Variants in PPP2R5C observed in about 807,000 individuals in gnomAD.
PPP2R5C encodes serine/threonine-protein phosphatase 2A 56 kDa regulatory subunit gamma isoform.
A neutral mutation model predicts 68.9 loss-of-function variants in PPP2R5C; 7 were observed. That is an observed-to-expected ratio of 0.10 (90% CI 0.06 to 0.19). The LOEUF (loss-of-function observed/expected upper bound fraction) is 0.19, where lower values mean the gene tolerates loss of function less well. Ranked by LOEUF, PPP2R5C falls within the 10% of genes least tolerant of loss-of-function variation. The pLI, the probability that PPP2R5C is intolerant of heterozygous loss-of-function variation, is 1.00. For missense variants in PPP2R5C, 348 were observed against 641.3 expected, an observed-to-expected ratio of 0.54 and a Z score of 4.94; for synonymous variants, 210 against 222.2, an observed-to-expected ratio of 0.95 and a Z score of 0.49.
At chr14:101,778,650 T>TAA (rs2037535903) in intron 2 of PPP2R5C, among the ~76,000 whole-genome samples, 1 of 152,218 alleles carries the variant, frequency 6.6e-6, no homozygotes, top group African/African-American at 2.4e-5. Context: ...CATCATTTGT[T>TAA]AAAGACGCTG....
chr14:101,909,760 T>C, intron 11 of PPP2R5C, 70 bp downstream of exon 13: 1 of 1,157,440 alleles, frequency 8.6e-7, no homozygotes, highest in Non-Finnish European at 1.2e-6. Context: ...CCTCTTCCAC[T>C]GTTTTGTCCT....
At position 101,874,778 on chromosome 14, in the gene PPP2R5C, C is replaced by T. The variant is rs146523008; in HGVS notation, c.295-7383C>T. 4.9e-3 allele frequency among the ~76,000 whole-genome samples: 738 copies of T among 152,020 alleles called. 2 individuals are homozygous for T. The highest frequency in any genetic ancestry group is 0.011 in the African/African-American group (436 of 41,470). ...AATTTGAGACAGAGTCTTGCTCTGTCGCCCAGGCTGGAGTGCAGTGGCACG... is the reference window on the plus strand; with the variant it reads ...AATTTGAGACAGAGTCTTGCTCTGTTGCCCAGGCTGGAGTGCAGTGGCACG... On this transcript the variant is annotated intron_variant, in intron 2 of 13. Transcript: ENST00000334743.
intron 2 of PPP2R5C, among the ~76,000 whole-genome samples, chr14:101,774,519 G>A (rs953700894): frequency 6.6e-6 from 1 of 152,144 alleles, no homozygotes; most frequent in Admixed American, 6.5e-5. Flanking sequence ...CTCTGAGTGC[G>A]TGGCCTCGGG....
At chr14:101,889,079 A>G (rs771833789) in intron 5 of PPP2R5C, among the ~76,000 whole-genome samples, 45 of 152,164 alleles carry the variant, frequency 3.0e-4, no homozygotes, top group Non-Finnish European at 5.3e-4. Context: ...GTGCATTCTG[A>G]TGTTTGGGAA....
intron 3 of PPP2R5C, chr14:101,796,945 CAT>C: frequency 6.3e-6 from 2 of 316,690 alleles, no homozygotes; most frequent in South Asian, 5.2e-5. Context: ...CATGTTAAAA[CAT>C]AATATTTATT....
chr14:101,894,225 G>A lies in PPP2R5C; in HGVS notation c.799-282G>A, dbSNP rs1394147859. On this transcript the variant is annotated intron_variant, in intron 7 of 13. Transcript: ENST00000334743. ...TTAGATGACTCGTTGATTGTAGTCT[G>A]CACAAGGACCCCAAGAAAATCCCAT... is the stretch of plus-strand genomic sequence containing the variant. Among the ~76,000 whole-genome samples, 4 of 152,186 alleles carry A rather than the reference G, an allele frequency of 2.6e-5. No homozygotes were observed. In the East Asian group the frequency reaches 7.7e-4, roughly 29 times the overall value.
chr14:101,824,414 GA>G (rs544671924), intron 1 of PPP2R5C: 9 of 194,692 alleles, frequency 4.6e-5, no homozygotes, highest in Admixed American at 2.2e-4. Flanking sequence ...ACAATGTAGT[GA>G]AAAAAAAACC....
chr14:101,855,392 C>G (rs2042360850), intron 1 of PPP2R5C, among the ~76,000 whole-genome samples: 2 of 152,086 alleles, frequency 1.3e-5, no homozygotes, highest in African/African-American at 4.8e-5. Context: ...ATTTTAGTAG[C>G]CTTTTCAGAT....
intron 1 of PPP2R5C, among the ~76,000 whole-genome samples, chr14:101,831,133 T>A (rs2040709663): frequency 6.6e-6 from 1 of 151,646 alleles, no homozygotes; most frequent in African/African-American, 2.4e-5. Context: ...GAAGGGCACC[T>A]CACTCCACAC....
At chr14:101,839,888 G>A (rs928398125) in intron 1 of PPP2R5C, among the ~76,000 whole-genome samples, 3 of 152,148 alleles carry the variant, frequency 2.0e-5, no homozygotes, top group East Asian at 1.9e-4. Context: ...GCGCTCGTCC[G>A]CACACACTCG....
At chr14:101,817,144 G>C (rs1213320385) in intron 1 of PPP2R5C, among the ~76,000 whole-genome samples, 3 of 151,488 alleles carry the variant, frequency 2.0e-5, no homozygotes, top group Non-Finnish European at 2.9e-5. Flanking sequence ...TTTTAATAGA[G>C]ATAGGGTTTC....
intron 5 of PPP2R5C, among the ~76,000 whole-genome samples, chr14:101,887,061 G>A (rs2044573111): frequency 6.6e-6 from 1 of 152,230 alleles, no homozygotes; most frequent in Non-Finnish European, 1.5e-5. Context: ...ATATAGAACA[G>A]CTGTGTCTTG....
At chr14:101,862,210 C>A (rs2042787598) in intron 2 of PPP2R5C, among the ~76,000 whole-genome samples, 1 of 152,186 alleles carries the variant, frequency 6.6e-6, no homozygotes, top group Non-Finnish European at 1.5e-5. Flanking sequence ...ACTATCGCAC[C>A]CAGCCAGAAA....
intron 13 of PPP2R5C, among the ~76,000 whole-genome samples, chr14:101,924,493 ACTGCAGTGGT>A: frequency 2.8e-5 from 3 of 107,418 alleles, no homozygotes; most frequent in Non-Finnish European, 6.0e-5. Context: ...CCCAGGCTGG[ACTGCAGTGGT>A]GCAATCTCGG....
chr14:101,796,115 G>A (rs1486514260), intron 3 of PPP2R5C, among the ~76,000 whole-genome samples: 3 of 152,296 alleles, frequency 2.0e-5, no homozygotes, highest in East Asian at 1.9e-4. Flanking sequence ...GAGAGCCACT[G>A]CGCCCTGCCT....
chr14:101,905,391 G>A (rs1273877086), intron 9 of PPP2R5C, among the ~76,000 whole-genome samples: 3 of 151,696 alleles, frequency 2.0e-5, no homozygotes, highest in Non-Finnish European at 2.9e-5. Context: ...AGGCGTGGTA[G>A]CTCACGCCTG....
intron 2 of PPP2R5C, among the ~76,000 whole-genome samples, chr14:101,783,901 C>G (rs908495287): frequency 2.0e-5 from 3 of 152,244 alleles, no homozygotes; most frequent in African/African-American, 7.2e-5. Flanking sequence ...ACTGTGGAAT[C>G]AATGCCAGGG....
At chr14:101,903,872 C>T (rs1344241178) in intron 9 of PPP2R5C, among the ~76,000 whole-genome samples, 1 of 151,914 alleles carries the variant, frequency 6.6e-6, no homozygotes, top group African/African-American at 2.4e-5. Context: ...GACGGGGTTT[C>T]ACCATATTGG....
At chr14:101,841,043 T>C (rs1678002) in intron 1 of PPP2R5C, among the ~76,000 whole-genome samples, 9,876 of 152,234 alleles carry the variant, frequency 0.065, 389 homozygotes, top group Non-Finnish European at 0.089. Context: ...GGACATGCTA[T>C]ATTTCAGGGA....
Sources: allele counts gnomAD v4.1 joint callset (sites outside exome capture counted in the v4.1 genomes callset), GRCh38; gene constraint gnomAD v4.1.1; transcripts MANE v1.5; gene names NCBI Gene and HGNC (gene_info 2026-07-23, HGNC 2026-07-21).